NCAPD3: variants seen among roughly 807,000 people sequenced by gnomAD.
NCAPD3 encodes the protein condensin-2 complex subunit D3.
NCAPD3 carries 105 observed loss-of-function variants against 182.9 expected under a neutral mutation model. The observed-to-expected ratio is 0.57, with a 90% CI of 0.49 to 0.68. NCAPD3 has a LOEUF of 0.68. NCAPD3 is among the 30% of genes least tolerant of loss of function. NCAPD3 has a pLI of 0.00. For synonymous variants in NCAPD3, 815 were observed against 679.9 expected (o/e 1.20, Z -3.09); for missense variants, 1,944 against 1,837.0 (o/e 1.06, Z -1.07).
Position 134,220,733 on chromosome 11 carries a change from G to A in NCAPD3, c.65-7C>T, listed in dbSNP as rs1030327900. 8 of 1,609,810 alleles carry A rather than the reference G, an allele frequency of 5.0e-6. No individual in the cohort carries two copies. The Admixed American group carries it at 1.2e-4, about 24-fold the overall frequency. On this transcript the variant is annotated splice_region_variant and splice_polypyrimidine_tract_variant and intron_variant, in intron 1 of 34. Coordinates refer to ENST00000534548, the MANE Select transcript of NCAPD3 (RefSeq NM_015261.3). Reference sequence around the variant, plus strand: ...CACACTGTGTCAACCCATTCTAGGGGAAAATGCAATGAAATGTGTAAGTAC... The same window carrying A: ...CACACTGTGTCAACCCATTCTAGGGAAAAATGCAATGAAATGTGTAAGTAC...
At chr11:134,225,072 C>T, upstream of NCAPD3, 1 of 1,524,424 alleles carries the variant, frequency 6.6e-7, no homozygotes. Flanking sequence ...CAGCCCGCGC[C>T]CCGGTGCGAG....
intron 24 of NCAPD3, among the ~76,000 whole-genome samples, chr11:134,176,098 T>C (rs902082624): frequency 1.3e-5 from 2 of 152,220 alleles, no homozygotes; most frequent in African/African-American, 4.8e-5. Context: ...TATTCAATGA[T>C]GAATCTAACC....
upstream of NCAPD3, chr11:134,225,370 C>T: frequency 1.2e-6 from 2 of 1,610,376 alleles, no homozygotes; most frequent in Non-Finnish European, 1.7e-6. Context: ...GGGACCCCCT[C>T]CCCCAGCGCC....
At position 134,168,120 on chromosome 11, in the gene NCAPD3, C is replaced by G; in HGVS notation, c.3449G>C (p.Ser1150Thr). 6.2e-7 allele frequency: 1 copy of G among 1,614,120 alleles called. No individual in the cohort carries two copies. Among genetic ancestry groups the G allele is most frequent in the South Asian group, 1.1e-5 (1 of 91,076 alleles). The change falls in exon 27 of 35, where the codon AGC becomes ACC. Residue 1150 changes from serine (S) to threonine (T), a missense_variant. Physicochemically the swap from Ser to Thr is moderately conservative, Grantham distance 58 (BLOSUM62 1). Coordinates refer to ENST00000534548, the MANE Select transcript of NCAPD3 (RefSeq NM_015261.3). ...ELLSDTFEVL[S>T]SKEIKLLAMR... The stretch of plus-strand genomic sequence containing the variant: ...TGCCAAAAGCTTGATCTCCTTTGAG[C>G]TGAGGACCTCAAACGTGTCTGAGAG...
At position 134,168,572 on chromosome 11, in the gene NCAPD3, C is replaced by T. The variant is rs1271267940; in HGVS notation, c.3270G>A (p.Lys1090=). The change falls in exon 26 of 35, where the codon AAG becomes AAA. Residue 1090 remains lysine, a synonymous_variant. Coordinates refer to ENST00000534548, the MANE Select transcript of NCAPD3 (RefSeq NM_015261.3). The part of the protein sequence containing the change: ...REKRLFSLKG[K]SNKERRMKIY... The stretch of plus-strand genomic sequence containing the variant: ...TTTTCATTCGTCTCTCTTTGTTTGA[C>T]TTTCCCTTCAATGAAAACAGCCGCT... 3.7e-6 allele frequency: 6 copies of T among 1,614,032 alleles called. No individual in the cohort carries two copies. The East Asian group carries it at 1.3e-4, about 36-fold the overall frequency.
chr11:134,177,418 C>T lies in NCAPD3; in HGVS notation c.2822G>A (p.Ser941Asn), dbSNP rs138937004. Residue 941 changes from serine (S) to asparagine (N), a missense_variant, in exon 23 of 35, where the codon AGC (serine) becomes AAC (asparagine). By Grantham distance (46) the Ser-to-Asn change is conservative (BLOSUM62 1). Around this residue, in one of 3 missense-constraint regions of NCAPD3, gnomAD observed 1,803 missense variants for 1,674.6 expected, o/e 1.08. Coordinates refer to ENST00000534548, the MANE Select transcript of NCAPD3 (RefSeq NM_015261.3). The stretch of plus-strand genomic sequence containing the variant: ...GAGCTCTCGCACCAGGGCTGGGATG[C>T]TCTTCTTTGCCAGATCCTCGTGCTG... The part of the protein sequence containing the change: ...CLQHEDLAKK[S>N]IPALVRELEV... The T allele has an allele frequency of 1.9e-6, 3 of 1,614,044 alleles. No individual in the cohort carries two copies. In the African/African-American group the frequency reaches 4.0e-5, roughly 22 times the overall value.
At chr11:134,173,259 A>G in intron 24 of NCAPD3, 1 of 153,996 alleles carries the variant, frequency 6.5e-6, no homozygotes, top group Non-Finnish European at 1.5e-5. Context: ...TCAAAGCCCC[A>G]GATCCCAGGG....
chr11:134,150,207 G>A lies in NCAPD3; in HGVS notation c.*2737C>T, dbSNP rs961521509. On this transcript the variant is annotated 3_prime_UTR_variant, in exon 35 of 35. Transcript: ENST00000534548. ...CATACTGTCTACACATCAGACCATA[G>A]TTGCTTAGGAAACCTTTAAAAATTC... 1.3e-5 allele frequency: 2 copies of A among 152,278 alleles called. No homozygotes were observed. Among genetic ancestry groups the A allele is most frequent in the African/African-American group, 2.4e-5 (1 of 41,458 alleles). 9.4% of individuals were successfully genotyped at this position (152,278 alleles called of 1,614,324 possible). A position where few individuals can be genotyped will look rare whatever the true frequency, so the allele number is the denominator to read the frequency against.
chr11:134,201,382 G>A (rs1040805829), intron 13 of NCAPD3, among the ~76,000 whole-genome samples: 1 of 152,164 alleles, frequency 6.6e-6, no homozygotes, highest in Non-Finnish European at 1.5e-5. Flanking sequence ...TAGGAGGAAA[G>A]GGGCATGGGG....
At position 134,150,252 on chromosome 11, in the gene NCAPD3, T is replaced by G. The variant is rs1943175653; in HGVS notation, c.*2692A>C. ...AAATTCCAGTTAAGCAATGTTGAAA[T>G]CAGTTTGCATCTCTTCAAAAGAAAC... On this transcript the variant is annotated 3_prime_UTR_variant, in exon 35 of 35. Coordinates refer to ENST00000534548, the MANE Select transcript of NCAPD3 (RefSeq NM_015261.3). The G allele has an allele frequency of 6.6e-6, 1 of 152,364 alleles. No homozygotes were observed. The highest frequency in any genetic ancestry group is 2.1e-4 in the South Asian group (1 of 4,840). 9.4% of individuals were successfully genotyped at this position (152,364 alleles called of 1,614,324 possible).
chr11:134,199,368 G>GT (rs1172167253), intron 13 of NCAPD3, among the ~76,000 whole-genome samples: 2 of 152,054 alleles, frequency 1.3e-5, no homozygotes, highest in African/African-American at 4.8e-5. Context: ...TACACACGGG[G>GT]TCTCTGGACC....
In NCAPD3 at chr11:134,223,959, T is replaced by A. The variant is rs965818963; in HGVS notation, c.-33A>T. 11 of 1,607,480 alleles carry A rather than the reference T, an allele frequency of 6.8e-6. No homozygotes were observed. Among genetic ancestry groups the A allele is most frequent in the African/African-American group, 1.3e-5 (1 of 74,964 alleles). On this transcript the variant is annotated 5_prime_UTR_variant, in exon 1 of 35. Coordinates refer to ENST00000534548, the MANE Select transcript of NCAPD3 (RefSeq NM_015261.3). ...GGGCACCGGCTCGCCGCCGCCGTGC[T>A]CAACTTTCAAAGCTCGCTCCCGCGC... is the stretch of plus-strand genomic sequence containing the variant.
chr11:134,169,340 G>A (rs900242839), intron 24 of NCAPD3, among the ~76,000 whole-genome samples: 3 of 152,180 alleles, frequency 2.0e-5, no homozygotes, highest in African/African-American at 7.2e-5. Flanking sequence ...GTTCAAGTGG[G>A]GAAAGTAATC....
At chr11:134,156,064 G>A (rs544628408) in intron 32 of NCAPD3, among the ~76,000 whole-genome samples, 13 of 152,340 alleles carry the variant, frequency 8.5e-5, no homozygotes, top group Admixed American at 7.8e-4. Context: ...CTGTTACCAG[G>A]AAGAGCACCT....
At chr11:134,167,680 C>T (rs1189426724) in intron 27 of NCAPD3, among the ~76,000 whole-genome samples, 1 of 106,894 alleles carries the variant, frequency 9.4e-6, no homozygotes, top group Non-Finnish European at 1.8e-5. Flanking sequence ...GTGAGATGAG[C>T]TTGGGGGAGG....
chr11:134,151,079 A>G lies in NCAPD3; in HGVS notation c.*1865T>C, dbSNP rs904253168. On this transcript the variant is annotated 3_prime_UTR_variant, in exon 35 of 35. Transcript: ENST00000534548. ...GCTGGACTCAGGACTGAAGTGCTGT[A>G]AAGCAAGGAGCTGCTGAGAAGGAGC... 6 of 152,276 alleles carry G rather than the reference A, an allele frequency of 3.9e-5. No homozygotes were observed. Among genetic ancestry groups the G allele is most frequent in the Admixed American group, 3.3e-4 (5 of 15,286 alleles). 9.4% of individuals were successfully genotyped at this position (152,276 alleles called of 1,614,324 possible). A position where few individuals can be genotyped will look rare whatever the true frequency, so the allele number is the denominator to read the frequency against.
chr11:134,198,222 T>C (rs1944677663), intron 13 of NCAPD3, among the ~76,000 whole-genome samples: 1 of 152,234 alleles, frequency 6.6e-6, no homozygotes, highest in Non-Finnish European at 1.5e-5. Context: ...CTATTCTCTC[T>C]GAAGCCTACT....
chr11:134,162,248 C>A (rs775029292), intron 27 of NCAPD3, among the ~76,000 whole-genome samples: 2 of 152,232 alleles, frequency 1.3e-5, no homozygotes, highest in African/African-American at 2.4e-5. Flanking sequence ...CAATTCAACA[C>A]CCTCCCCTTG....
At chr11:134,200,705 C>T (rs1944729707) in intron 13 of NCAPD3, among the ~76,000 whole-genome samples, 1 of 152,134 alleles carries the variant, frequency 6.6e-6, no homozygotes, top group South Asian at 2.1e-4. Flanking sequence ...ACCATACGAC[C>T]CAGCAGTTCT....
Sources: gnomAD v4.1 joint callset for allele counts (sites outside exome capture counted in the v4.1 genomes callset) on GRCh38, gnomAD v4.1.1 for gene constraint, gnomAD v4.1.1 regional missense constraint, MANE v1.5 for transcripts, NCBI Gene and HGNC (gene_info 2026-07-23, HGNC 2026-07-21) for gene names.